The following SLCO3A1 variants were observed in gnomAD, a reference collection of about 807,000 sequenced individuals.
SLCO3A1 encodes the protein solute carrier organic anion transporter family member 3A1.
A neutral mutation model predicts 63.1 loss-of-function variants in SLCO3A1; 27 were observed. That is an observed-to-expected ratio of 0.43 (90% CI 0.32 to 0.59). The LOEUF is 0.59. SLCO3A1 is among the 20% of genes least tolerant of loss of function. The pLI is 0.09. For synonymous variants in SLCO3A1, 473 were observed against 409.9 expected, an observed-to-expected ratio of 1.15 and a Z score of -1.86; for missense variants, 773 against 945.8, an observed-to-expected ratio of 0.82 and a Z score of 2.40.
At chr15:92,136,884 T>G (rs531700709) in intron 7 of SLCO3A1, among the ~76,000 whole-genome samples, 4 of 151,952 alleles carry the variant, frequency 2.6e-5, no homozygotes, top group East Asian at 1.9e-4. Flanking sequence ...TACCTGGGAG[T>G]TATTTCTAAA....
chr15:91,985,916 C>T (rs914969233), intron 2 of SLCO3A1, among the ~76,000 whole-genome samples: 3 of 152,074 alleles, frequency 2.0e-5, no homozygotes, highest in African/African-American at 4.8e-5. Context: ...GTGGGGGAGG[C>T]CTTCGAGGAG....
chr15:91,895,796 C>T (rs549797169), intron 1 of SLCO3A1, among the ~76,000 whole-genome samples: 2 of 152,342 alleles, frequency 1.3e-5, no homozygotes, highest in African/African-American at 4.8e-5. Flanking sequence ...TGGCATTTAT[C>T]GTTACAGGTT....
rs1897691547 is a variant in SLCO3A1 at position 91,885,139 on chromosome 15, C to T, written c.181-30854C>T. Among the ~76,000 whole-genome samples the T allele has an allele frequency of 6.6e-6, 1 of 152,196 alleles. No individual in the cohort carries two copies. Among genetic ancestry groups the T allele is most frequent in the South Asian group, 2.1e-4 (1 of 4,824 alleles). On this transcript the variant is annotated intron_variant, in intron 1 of 9. Transcript: ENST00000318445. This position sits in a 1 kb window ranked among gnomAD's most constrained non-coding sequence, Gnocchi z 4.7. The stretch of plus-strand genomic sequence containing the variant: ...GTGGTGCTGAGCCTGCCCGCCTGCT[C>T]TGCGTCACCTGGAAGGAGGGTGCAG...
chr15:92,059,859 G>A (rs1005888415), intron 2 of SLCO3A1, among the ~76,000 whole-genome samples: 7 of 152,132 alleles, frequency 4.6e-5, no homozygotes, highest in Admixed American at 1.3e-4. Flanking sequence ...TGAGAAATGC[G>A]TCGTTAGGCA....
In SLCO3A1 at chr15:91,879,976, ATAT is replaced by A. The variant is rs559927854; in HGVS notation, c.180+25890_180+25892del. ...AGGGCCCTTGGATCTCTTTAATAAG[ATAT>A]TCAGGGCTCTGTGCAGAATGTCTGA... On this transcript the variant is annotated intron_variant, in intron 1 of 9. Transcript: ENST00000318445. Among the ~76,000 whole-genome samples the A allele has an allele frequency of 5.8e-4, 89 of 152,216 alleles. 1 individual carries two copies. Among genetic ancestry groups the A allele is most frequent in the African/African-American group, 2.1e-3 (88 of 41,524 alleles).
At chr15:92,136,992 C>CT (rs1567138889) in intron 7 of SLCO3A1, among the ~76,000 whole-genome samples, 1 of 136,220 alleles carries the variant, frequency 7.3e-6, no homozygotes, top group African/African-American at 2.7e-5. Context: ...TTTAATTATA[C>CT]TTTAAGTTTT....
At chr15:92,162,409 C>G (rs1172430822) in intron 9 of SLCO3A1, 2 of 203,246 alleles carry the variant, frequency 9.8e-6, no homozygotes, top group Non-Finnish European at 2.0e-5. Context: ...TTCAGCCTCC[C>G]AAAGTGCTGG....
Position 92,165,779 on chromosome 15 carries a change from TACA to T in SLCO3A1, c.*2648_*2650del, listed in dbSNP as rs1312628430. On this transcript the variant is annotated 3_prime_UTR_variant, in exon 10 of 10. Coordinates refer to ENST00000318445, the MANE Select transcript of SLCO3A1 (RefSeq NM_013272.4). ...TTGTGCTCTAAAGAAGCATTGTACATACAACACTAGATCCAGCCCCTCGATTAT... is the reference window on the plus strand; with the variant it reads ...TTGTGCTCTAAAGAAGCATTGTACATACACTAGATCCAGCCCCTCGATTAT... 27 of 985,280 alleles carry T rather than the reference TACA, an allele frequency of 2.7e-5. No homozygotes were observed. Among genetic ancestry groups the T allele is most frequent in the Middle Eastern group, 1.0e-3 (2 of 1,936 alleles). The allele number at this position is 985,280 out of a possible 1,614,324, so 61.0% of individuals were successfully genotyped here.
chr15:92,065,190 CT>C (rs2047135820), intron 2 of SLCO3A1, among the ~76,000 whole-genome samples: 1 of 152,170 alleles, frequency 6.6e-6, no homozygotes, highest in African/African-American at 2.4e-5. Context: ...TCAAGCAGTT[CT>C]CCTGCCTCGG....
chr15:91,854,063 C>A lies in SLCO3A1; in HGVS notation c.155C>A (p.Ala52Glu). ...FLVSECALMLAQGTVGAYLVS... is the reference protein window; with the variant it reads ...FLVSECALMLEQGTVGAYLVS... ...GTGTCCGAGTGCGCCCTGATGCTGG[C>A]GCAGGGCACGGTGGGCGCCTACCTG... is the stretch of plus-strand genomic sequence containing the variant. The change falls in exon 1 of 10, where the codon GCG (alanine) becomes GAG (glutamate). Residue 52 changes from alanine (A) to glutamate (E), a missense_variant. Around this residue, in one of 3 missense-constraint regions of SLCO3A1, gnomAD observed 565 missense variants for 749.8 expected, o/e 0.75. Transcript: ENST00000318445. The surrounding 1 kb of genome is among the most constrained non-coding windows in gnomAD (Gnocchi z 6.4). The A allele has an allele frequency of 6.5e-7, 1 of 1,528,850 alleles. No individual in the cohort carries two copies. The highest frequency in any genetic ancestry group is 8.8e-7 in the Non-Finnish European group (1 of 1,134,684). The allele number at this position is 1,528,850 out of a possible 1,614,324, so 94.7% of individuals were successfully genotyped here.
In SLCO3A1 at chr15:92,125,030, C is replaced by T. The variant is rs2047904486; in HGVS notation, c.1175-1031C>T. ...CCAAGCACAGATACTCCAAGAGCAGCAGATGATAAAGAGATATTATATGTC... is the reference window on the plus strand; with the variant it reads ...CCAAGCACAGATACTCCAAGAGCAGTAGATGATAAAGAGATATTATATGTC... On this transcript the variant is annotated intron_variant, in intron 5 of 9. Coordinates refer to ENST00000318445, the MANE Select transcript of SLCO3A1 (RefSeq NM_013272.4). Among the ~76,000 whole-genome samples, 4 of 152,164 alleles carry T rather than the reference C, an allele frequency of 2.6e-5. No homozygotes were observed. The South Asian group carries it at 8.3e-4, about 32-fold the overall frequency.
At chr15:92,162,528 A>G (rs1479478251) in intron 9 of SLCO3A1, 1 of 581,096 alleles carries the variant, frequency 1.7e-6, no homozygotes, top group Non-Finnish European at 2.9e-6. Context: ...CATTTTGCAG[A>G]TGAGGAAACT....
intron 2 of SLCO3A1, among the ~76,000 whole-genome samples, chr15:92,029,060 T>G (rs144001394): frequency 1.3e-5 from 2 of 152,158 alleles, no homozygotes; most frequent in African/African-American, 4.8e-5. Flanking sequence ...GTAAATACTT[T>G]AATTAAATTA....
chr15:91,915,942 T>G, intron 1 of SLCO3A1, 51 bp from the exon 2 acceptor site: 1 of 1,490,004 alleles, frequency 6.7e-7, no homozygotes, highest in Non-Finnish European at 9.3e-7. Context: ...AGGAGAGGCT[T>G]CCTGGGCATC....
intron 9 of SLCO3A1, among the ~76,000 whole-genome samples, chr15:92,154,027 G>A (rs2048340780): frequency 6.6e-6 from 1 of 152,192 alleles, no homozygotes; most frequent in Non-Finnish European, 1.5e-5. Context: ...TTTAACCAGA[G>A]AGTGACAAGA....
chr15:91,952,113 T>C (rs982985070), intron 2 of SLCO3A1, among the ~76,000 whole-genome samples: 1 of 152,250 alleles, frequency 6.6e-6, no homozygotes, highest in Non-Finnish European at 1.5e-5. Context: ...TTCTAATGAC[T>C]AATGATGTTA....
intron 3 of SLCO3A1, among the ~76,000 whole-genome samples, chr15:92,101,041 A>G (rs1339857125): frequency 6.6e-6 from 1 of 152,170 alleles, no homozygotes; most frequent in African/African-American, 2.4e-5. Context: ...CCTCAGAGGA[A>G]GAGGATCCAA....
At chr15:92,024,497 A>G (rs139268805) in intron 2 of SLCO3A1, among the ~76,000 whole-genome samples, 1 of 152,320 alleles carries the variant, frequency 6.6e-6, no homozygotes, top group Non-Finnish European at 1.5e-5. Flanking sequence ...TTATGCTACC[A>G]TGTATTGACG....
intron 1 of SLCO3A1, among the ~76,000 whole-genome samples, chr15:91,904,172 G>A (rs1375737553): frequency 1.3e-5 from 2 of 152,190 alleles, no homozygotes; most frequent in African/African-American, 4.8e-5. Flanking sequence ...AGGCACTGCT[G>A]TTATATCATG....
Sources: gnomAD v4.1 joint callset for allele counts (sites outside exome capture counted in the v4.1 genomes callset) on GRCh38, gnomAD v4.1.1 for gene constraint, gnomAD v4.1.1 regional missense constraint, Gnocchi (gnomAD v3.1) non-coding constraint, MANE v1.5 for transcripts, NCBI Gene and HGNC (gene_info 2026-07-23, HGNC 2026-07-21) for gene names.